Variants in EYA1 observed in about 807,000 individuals in gnomAD.
EYA1 encodes the protein EYA transcriptional coactivator and phosphatase 1.
A neutral mutation model predicts 82.0 loss-of-function variants in EYA1; 16 were observed. The ratio of observed to expected loss-of-function variants is 0.20; its 90% CI spans 0.13 to 0.30. The LOEUF is 0.30. Among genes scored for constraint, EYA1 ranks in the 10% least tolerant of loss-of-function variants. The probability of loss-of-function intolerance (pLI) is 1.00; values close to 1 mark genes in which losing one functional copy is unlikely to be tolerated. For synonymous variants in EYA1, 261 were observed against 264.4 expected (o/e 0.99, Z 0.12); for missense variants, 633 against 730.7 (o/e 0.87, Z 1.54).
At chr8:71,306,584 T>C (rs770241633) in intron 7 of EYA1, among the ~76,000 whole-genome samples, 1 of 152,124 alleles carries the variant, frequency 6.6e-6, no homozygotes, top group Admixed American at 6.6e-5. Context: ...CAGCTCCCCA[T>C]GCACAGCTCA....
At chr8:71,408,967 T>C (rs919183349) in intron 2 of EYA1, among the ~76,000 whole-genome samples, 4 of 119,426 alleles carry the variant, frequency 3.3e-5, no homozygotes, top group African/African-American at 1.5e-4. Context: ...GACCACATAC[T>C]TGGAAGTAAA....
intron 1 of EYA1, among the ~76,000 whole-genome samples, chr8:71,359,653 A>G (rs1038507705): frequency 2.6e-5 from 4 of 152,224 alleles, no homozygotes; most frequent in Non-Finnish European, 5.9e-5. Flanking sequence ...AATAAAATGT[A>G]GGTACTTGTC....
chr8:71,496,363 G>A (rs1028554580), intron 2 of EYA1, among the ~76,000 whole-genome samples: 8 of 152,036 alleles, frequency 5.3e-5, no homozygotes. Context: ...TTGTATTATG[G>A]GTCTTTGCAC....
At chr8:71,308,278 TACATTTGGAATCAAAGG>T (rs1348163278) in intron 7 of EYA1, among the ~76,000 whole-genome samples, 4 of 152,194 alleles carry the variant, frequency 2.6e-5, no homozygotes, top group African/African-American at 9.6e-5. Flanking sequence ...ATTTAATAAA[TACATTTGGAATCAAAGG>T]ATCCCATTTT....
intron 2 of EYA1, among the ~76,000 whole-genome samples, chr8:71,375,466 C>T (rs1828321227): frequency 6.6e-6 from 1 of 151,980 alleles, no homozygotes; most frequent in South Asian, 2.1e-4. Context: ...AGAAACAAAT[C>T]CTCAAGGAAA....
intron 3 of EYA1, among the ~76,000 whole-genome samples, chr8:71,350,707 C>G (rs958143984): frequency 6.6e-6 from 1 of 152,082 alleles, no homozygotes; most frequent in Non-Finnish European, 1.5e-5. Flanking sequence ...AAAATTAGAG[C>G]TCTGATTTTT....
At chr8:71,371,550 C>A (rs547629161) in intron 2 of EYA1, among the ~76,000 whole-genome samples, 1 of 152,242 alleles carries the variant, frequency 6.6e-6, no homozygotes, top group Admixed American at 6.5e-5. Context: ...CCATGGGCAA[C>A]AAGTCATTAA....
At chr8:71,299,570 C>T (rs908171502) in intron 8 of EYA1, 68 bp downstream of exon 8, 12 of 943,444 alleles carry the variant, frequency 1.3e-5, no homozygotes, top group Non-Finnish European at 1.9e-5. Flanking sequence ...ACAGATCTTT[C>T]TTTACATAAG....
chr8:71,325,587 G>A (rs963063267), intron 4 of EYA1, among the ~76,000 whole-genome samples: 2 of 152,080 alleles, frequency 1.3e-5, no homozygotes, highest in African/African-American at 4.8e-5. Flanking sequence ...CGTGAAGAAT[G>A]GTTCAATTAT....
At chr8:71,427,259 G>A (rs1423429898) in intron 2 of EYA1, among the ~76,000 whole-genome samples, 12 of 152,176 alleles carry the variant, frequency 7.9e-5, no homozygotes, top group Non-Finnish European at 2.9e-5. Context: ...GGCAAGCCCT[G>A]CTTAGCTGCA....
intron 12 of EYA1, among the ~76,000 whole-genome samples, chr8:71,236,963 C>T (rs962418961): frequency 3.9e-5 from 6 of 152,162 alleles, no homozygotes; most frequent in Non-Finnish European, 1.5e-5. Flanking sequence ...GCAATGTACA[C>T]AAGTTTTCAT....
At chr8:71,460,877 C>T (rs1469123151) in intron 2 of EYA1, among the ~76,000 whole-genome samples, 1 of 152,210 alleles carries the variant, frequency 6.6e-6, no homozygotes, top group African/African-American at 2.4e-5. Flanking sequence ...TTAAATAATA[C>T]AGTCTCTAGA....
At position 71,318,821 on chromosome 8, in the gene EYA1, GA is replaced by G. The variant is rs570145049; in HGVS notation, c.419-1133del. On this transcript the variant is annotated intron_variant, in intron 6 of 17. Transcript: ENST00000340726. ...GTGGGAGAATCTGACTCTTGGCTGA[GA>G]GTGCCTACTTTAATTCCTGCAGTAT... 4.6e-5 allele frequency among the ~76,000 whole-genome samples: 7 copies of G among 152,258 alleles called. No homozygotes were observed. In the South Asian group the frequency reaches 1.5e-3, roughly 32 times the overall value.
chr8:71,233,174 T>C (rs910370600), intron 12 of EYA1, among the ~76,000 whole-genome samples: 15 of 152,174 alleles, frequency 9.9e-5, no homozygotes, highest in African/African-American at 3.4e-4. Context: ...ACATTACATA[T>C]AGAAAGTAAA....
At chr8:71,268,981 A>C (rs1295251376) in intron 11 of EYA1, among the ~76,000 whole-genome samples, 1 of 152,228 alleles carries the variant, frequency 6.6e-6, no homozygotes, top group Non-Finnish European at 1.5e-5. Context: ...TTCTTTACAG[A>C]TGAAAACAAG....
chr8:71,378,188 T>TC (rs370088163), intron 2 of EYA1, among the ~76,000 whole-genome samples: 2 of 151,710 alleles, frequency 1.3e-5, no homozygotes, highest in Non-Finnish European at 2.9e-5. Context: ...TTATGATCCA[T>TC]CCCCCCTCCC....
chr8:71,202,275 T>C (rs1383145671), intron 17 of EYA1, among the ~76,000 whole-genome samples: 2 of 152,178 alleles, frequency 1.3e-5, no homozygotes, highest in African/African-American at 2.4e-5. Flanking sequence ...GCTACTTCTT[T>C]GGTACATAAA....
intron 6 of EYA1, among the ~76,000 whole-genome samples, chr8:71,319,749 C>T (rs927066661): frequency 1.6e-4 from 24 of 152,120 alleles, no homozygotes; most frequent in African/African-American, 5.3e-4. Context: ...CCATCTGAGC[C>T]TTGACTATCA....
intron 2 of EYA1, among the ~76,000 whole-genome samples, chr8:71,407,380 C>T (rs1233004102): frequency 2.8e-5 from 4 of 142,248 alleles, no homozygotes; most frequent in African/African-American, 1.0e-4. Context: ...TGGAGAATGA[C>T]TTTGACGAGC....
Sources: allele counts gnomAD v4.1 joint callset (sites outside exome capture counted in the v4.1 genomes callset), GRCh38; gene constraint gnomAD v4.1.1; transcripts MANE v1.5; gene names NCBI Gene and HGNC (gene_info 2026-07-23, HGNC 2026-07-21).